Variants in IPO8 observed in about 807,000 individuals in gnomAD.
IPO8 encodes the protein importin-8.
Under a neutral mutation model 141.2 loss-of-function variants are expected in IPO8, and 65 were observed. That is an observed-to-expected ratio of 0.46 (90% CI 0.38 to 0.57). The LOEUF is 0.57. Ranked by LOEUF, IPO8 falls within the 20% of genes least tolerant of loss-of-function variation. The probability of loss-of-function intolerance (pLI) is 0.00; values close to 1 mark genes in which losing one functional copy is unlikely to be tolerated. For missense variants in IPO8, 980 were observed against 1,246.8 expected, an observed-to-expected ratio of 0.79 and a Z score of 3.22; for synonymous variants, 411 against 420.3, an observed-to-expected ratio of 0.98 and a Z score of 0.27.
At chr12:30,639,776 C>T (rs1228972324) in intron 20 of IPO8, 41 bp from the exon 21 acceptor site, 4 of 1,470,692 alleles carry the variant, frequency 2.7e-6, no homozygotes, top group Non-Finnish European at 3.8e-6. Context: ...ACAGACAGCC[C>T]AAGTAACTTT....
intron 20 of IPO8, 137 bp from the exon 21 acceptor site, chr12:30,639,872 G>A (rs973109108): frequency 1.6e-6 from 1 of 634,744 alleles, no homozygotes; most frequent in Non-Finnish European, 2.8e-6. Context: ...CATTTTAGAG[G>A]TATTTAAAAG....
chr12:30,653,108 T>A lies in IPO8; in HGVS notation c.1949-16A>T, dbSNP rs2052750765. ...TCATAGAATTCTAGAAGAAAGAAAA[T>A]CTCTAGTTAGAATGCTAGGAAATAG... On this transcript the variant is annotated splice_polypyrimidine_tract_variant and intron_variant, in intron 17 of 24. Transcript: ENST00000256079. 2 of 1,604,260 alleles carry A rather than the reference T, an allele frequency of 1.2e-6. No individual in the cohort carries two copies. Among genetic ancestry groups the A allele is most frequent in the East Asian group, 2.2e-5 (1 of 44,774 alleles).
chr12:30,684,498 G>A, intron 2 of IPO8, 41 bp from the exon 3 acceptor site: 1 of 1,600,006 alleles, frequency 6.2e-7, no homozygotes, highest in Non-Finnish European at 8.5e-7. Context: ...GTACCAAAAA[G>A]GATGGCTTTA....
At chr12:30,667,223 T>TTTC (rs2052979020) in intron 10 of IPO8, among the ~76,000 whole-genome samples, 1 of 152,228 alleles carries the variant, frequency 6.6e-6, no homozygotes, top group African/African-American at 2.4e-5. Context: ...TTAGTTCATG[T>TTTC]GTATTATCCC....
At chr12:30,694,293 A>G (rs1443400840) in intron 1 of IPO8, among the ~76,000 whole-genome samples, 1 of 152,088 alleles carries the variant, frequency 6.6e-6, no homozygotes, top group Non-Finnish European at 1.5e-5. Context: ...GTGACAGTCC[A>G]TTTCTTTTTC....
At position 30,649,157 on chromosome 12, in the gene IPO8, T is replaced by C; in HGVS notation, c.2248A>G (p.Lys750Glu). ...ATTACCTGATCAATTCCCCTTCCTT[T>C]GCACTGAAGAATGATGACTTCCAGA... ...KLLEVIILQC[K>E]GRGIDQCIPL... The change falls in exon 20 of 25, where the codon AAA becomes GAA. Residue 750 changes from lysine to glutamate, a missense_variant. By Grantham distance (56) the Lys-to-Glu change is moderately conservative. Coordinates refer to ENST00000256079, the MANE Select transcript of IPO8 (RefSeq NM_006390.4). 6.2e-7 allele frequency: 1 copy of C among 1,612,670 alleles called. No homozygotes were observed. The highest frequency in any genetic ancestry group is 8.5e-7 in the Non-Finnish European group (1 of 1,178,864).
intron 16 of IPO8, among the ~76,000 whole-genome samples, chr12:30,657,731 AATAT>A (rs1010354639): frequency 6.6e-6 from 1 of 152,216 alleles, no homozygotes; most frequent in Non-Finnish European, 1.5e-5. Context: ...AACCATTAAA[AATAT>A]ATAACTTTAT....
intron 16 of IPO8, among the ~76,000 whole-genome samples, chr12:30,659,578 A>G (rs564556122): frequency 6.6e-6 from 1 of 151,734 alleles, no homozygotes; most frequent in Non-Finnish European, 1.5e-5. Context: ...ACGGCTGGGC[A>G]CGGTGGCTCA....
At chr12:30,665,885 T>A (rs1161256086) in intron 11 of IPO8, 40 bp from the exon 12 acceptor site, 1 of 1,334,536 alleles carries the variant, frequency 7.5e-7, no homozygotes, top group Non-Finnish European at 1.1e-6. Context: ...ACATGAACTT[T>A]CATTGTCTTA....
intron 8 of IPO8, among the ~76,000 whole-genome samples, chr12:30,672,028 G>T (rs767337359): frequency 2.1e-4 from 32 of 151,928 alleles, no homozygotes; most frequent in Non-Finnish European, 3.7e-4. Context: ...CAACTGAGAA[G>T]TTATTTTTTA....
At chr12:30,668,717 A>G (rs2053004248) in intron 10 of IPO8, among the ~76,000 whole-genome samples, 1 of 152,244 alleles carries the variant, frequency 6.6e-6, no homozygotes, top group Non-Finnish European at 1.5e-5. Flanking sequence ...AAGGACACCC[A>G]AAGAATTGGA....
chr12:30,653,840 G>A (rs77776701), intron 17 of IPO8, among the ~76,000 whole-genome samples: 4,371 of 151,992 alleles, frequency 0.029, 78 homozygotes, highest in Non-Finnish European at 0.044. Flanking sequence ...CTTGATTAAG[G>A]TTTCTCTAAC....
Position 30,695,813 on chromosome 12 carries a change from G to C in IPO8, c.-166C>G, listed in dbSNP as rs2136181062. On this transcript the variant is annotated 5_prime_UTR_variant, in exon 1 of 25. Transcript: ENST00000256079. This position sits in a 1 kb window ranked among gnomAD's most constrained non-coding sequence, Gnocchi z 4.2. ...CCACTTGCTGCGCCACTCTGACTCC[G>C]CGCCCCCTGTCCTCCCTTTTTCCCC... 5.5e-6 allele frequency: 3 copies of C among 546,404 alleles called. No homozygotes were observed. In the Admixed American group the frequency reaches 1.0e-4, roughly 19 times the overall value. 33.8% of individuals were successfully genotyped at this position (546,404 alleles called of 1,614,324 possible).
intron 23 of IPO8, among the ~76,000 whole-genome samples, chr12:30,632,337 T>C (rs1264052330): frequency 1.3e-5 from 2 of 152,184 alleles, no homozygotes; most frequent in East Asian, 1.9e-4. Context: ...CATTTTCCTC[T>C]GGAATTTTCA....
In IPO8 at chr12:30,644,065, G is replaced by C. The variant is rs189351259; in HGVS notation, c.2269-4330C>G. 9.4e-4 allele frequency among the ~76,000 whole-genome samples: 143 copies of C among 152,264 alleles called. 4 individuals carry two copies. Among genetic ancestry groups the C allele is most frequent in the South Asian group, 3.3e-3 (16 of 4,826 alleles). On this transcript the variant is annotated intron_variant, in intron 20 of 24. Transcript: ENST00000256079. Reference sequence around the variant, plus strand: ...AGTACATAATAACAAAGGGAGAAAAGAGCCTTCAAAGATACCTGTTGGGGA... The same window carrying C: ...AGTACATAATAACAAAGGGAGAAAACAGCCTTCAAAGATACCTGTTGGGGA...
At chr12:30,678,259 C>T (rs938139508) in intron 5 of IPO8, among the ~76,000 whole-genome samples, 1 of 152,018 alleles carries the variant, frequency 6.6e-6, no homozygotes, top group African/African-American at 2.4e-5. Flanking sequence ...TAAGCATAGA[C>T]TAACGTCCTA....
Position 30,630,831 on chromosome 12 carries a change from T to C in IPO8, c.*29A>G. On this transcript the variant is annotated 3_prime_UTR_variant, in exon 25 of 25. Coordinates refer to ENST00000256079, the MANE Select transcript of IPO8 (RefSeq NM_006390.4). ...CCTCTTGTGAAATAAAATGCAGCGA[T>C]GACATTTGGTCAGCTGATGTTCTTT... 5 of 1,538,328 alleles carry C rather than the reference T, an allele frequency of 3.3e-6. No homozygotes were observed. The highest frequency in any genetic ancestry group is 4.5e-6 in the Non-Finnish European group (5 of 1,113,242).
intron 20 of IPO8, among the ~76,000 whole-genome samples, chr12:30,641,470 G>A (rs1326447515): frequency 5.5e-5 from 8 of 146,422 alleles, no homozygotes; most frequent in South Asian, 2.2e-4. Flanking sequence ...TCCCATATCC[G>A]TTACCAAAAA....
Position 30,637,149 on chromosome 12 carries a change from A to T in IPO8, c.2528T>A (p.Ile843Asn). ...DRKMCIIGLSILLELQNRPPA... is the reference protein window; with the variant it reads ...DRKMCIIGLSNLLELQNRPPA... ...AGGTCGATTTTGCAATTCCAAAAGG[A>T]TACTCAGTCCTATTATACACATCTT... The change falls in exon 22 of 25, where the codon ATC becomes AAC. Residue 843 changes from isoleucine to asparagine, a missense_variant. Transcript: ENST00000256079. 1 of 1,613,848 alleles carries T rather than the reference A, an allele frequency of 6.2e-7. No homozygotes were observed. Among genetic ancestry groups the T allele is most frequent in the Non-Finnish European group, 8.5e-7 (1 of 1,179,900 alleles).
Sources: gnomAD v4.1 joint callset for allele counts (sites outside exome capture counted in the v4.1 genomes callset) on GRCh38, gnomAD v4.1.1 for gene constraint, Gnocchi (gnomAD v3.1) non-coding constraint, MANE v1.5 for transcripts, NCBI Gene and HGNC (gene_info 2026-07-23, HGNC 2026-07-21) for gene names.